Variants in CNNM2 observed in about 807,000 individuals in gnomAD.
CNNM2 encodes cyclin and CBS domain divalent metal cation transport mediator 2, also known as metal transporter CNNM2.
In CNNM2, 12 loss-of-function variants were observed where a neutral mutation model predicts 66.9. The ratio of observed to expected loss-of-function variants is 0.18; its 90% CI spans 0.11 to 0.29. The LOEUF is 0.29. CNNM2 is among the 10% of genes least tolerant of loss of function. The pLI is 1.00. For missense variants in CNNM2, 705 were observed against 1,167.7 expected (o/e 0.60, Z 5.77); for synonymous variants, 557 against 501.8 (o/e 1.11, Z -1.47).
In CNNM2 at chr10:103,084,950, CTT is replaced by C. The variant is rs1467850096; in HGVS notation, c.*7773_*7774del. On this transcript the variant is annotated 3_prime_UTR_variant, in exon 8 of 8. Transcript: ENST00000369878. ...AATTCTATTAGGTGGATAATAAACT[CTT>C]TTGCTTTCTTTGTATGGTGGTTTTG... 2.0e-5 allele frequency: 3 copies of C among 152,060 alleles called. No individual in the cohort carries two copies. The highest frequency in any genetic ancestry group is 4.4e-5 in the Non-Finnish European group (3 of 67,992). The allele number at this position is 152,060 out of a possible 1,614,324, so 9.4% of individuals were successfully genotyped here. A position where few individuals can be genotyped will look rare whatever the true frequency, so the allele number is the denominator to read the frequency against.
At chr10:102,924,635 TAA>T (rs1845784885) in intron 1 of CNNM2, among the ~76,000 whole-genome samples, 1 of 151,210 alleles carries the variant, frequency 6.6e-6, no homozygotes. Flanking sequence ...TTTTTTTTTT[TAA>T]TTATTTTATA....
Position 103,020,312 on chromosome 10 carries a change from C to T in CNNM2, c.1622-29395C>T, listed in dbSNP as rs368046840. ...CTGGGATTACAGACACCCACCACCA[C>T]GCCCAGCTAATTTTTGTATTTTTAG... is the stretch of plus-strand genomic sequence containing the variant. On this transcript the variant is annotated intron_variant, in intron 1 of 7. Coordinates refer to ENST00000369878, the MANE Select transcript of CNNM2 (RefSeq NM_017649.5). 1.3e-4 allele frequency among the ~76,000 whole-genome samples: 20 copies of T among 152,048 alleles called. No homozygotes were observed. The East Asian group carries it at 1.3e-3, about 10-fold the overall frequency.
intron 6 of CNNM2, among the ~76,000 whole-genome samples, chr10:103,075,784 G>A (rs1164282849): frequency 6.6e-6 from 1 of 152,202 alleles, no homozygotes; most frequent in African/African-American, 2.4e-5. Context: ...GCATCTCACA[G>A]TACCCGGGAA....
rs965070285 is a variant in CNNM2 at position 103,088,013 on chromosome 10, T to G, written c.*10833T>G. ...AAAAATTGAGGCCTATGTAACACCA[T>G]GAATATAATCATGTTAGAACATAAT... On this transcript the variant is annotated 3_prime_UTR_variant, in exon 8 of 8. Coordinates refer to ENST00000369878, the MANE Select transcript of CNNM2 (RefSeq NM_017649.5). The G allele has an allele frequency of 3.3e-5, 5 of 152,242 alleles. No homozygotes were observed. The highest frequency in any genetic ancestry group is 1.2e-4 in the African/African-American group (5 of 41,462). The allele number at this position is 152,242 out of a possible 1,614,324, so 9.4% of individuals were successfully genotyped here.
chr10:102,936,388 G>A (rs1846240027), intron 1 of CNNM2, among the ~76,000 whole-genome samples: 1 of 152,072 alleles, frequency 6.6e-6, no homozygotes, highest in African/African-American at 2.4e-5. Flanking sequence ...TTTCATCTCT[G>A]TAGAGTTGAT....
chr10:103,057,403 C>G (rs2065312997), intron 4 of CNNM2, among the ~76,000 whole-genome samples: 1 of 151,436 alleles, frequency 6.6e-6, no homozygotes, highest in Non-Finnish European at 1.5e-5. Context: ...TGCTTGAGCC[C>G]AGGAGGTTGC....
chr10:103,003,275 G>A (rs927860026), intron 1 of CNNM2, among the ~76,000 whole-genome samples: 3 of 151,848 alleles, frequency 2.0e-5, no homozygotes, highest in African/African-American at 7.3e-5. Context: ...CACCATACCT[G>A]GATAATTTTT....
At chr10:102,920,480 G>A (rs1373497138) in intron 1 of CNNM2, among the ~76,000 whole-genome samples, 2 of 152,008 alleles carry the variant, frequency 1.3e-5, no homozygotes, top group African/African-American at 4.8e-5. Context: ...GCTGGCTGAT[G>A]CCATGCCATT....
At chr10:102,943,867 CTTAG>C (rs1846514852) in intron 1 of CNNM2, among the ~76,000 whole-genome samples, 1 of 152,166 alleles carries the variant, frequency 6.6e-6, no homozygotes, top group Non-Finnish European at 1.5e-5. Flanking sequence ...CTAAAGAGTA[CTTAG>C]TTCTGTTCGT....
chr10:102,980,384 C>G (rs750498201), intron 1 of CNNM2, among the ~76,000 whole-genome samples: 43 of 151,784 alleles, frequency 2.8e-4, no homozygotes, highest in Non-Finnish European at 5.7e-4. Context: ...GATCCTCCCA[C>G]CTTAGCCTCC....
chr10:103,037,046 A>C (rs2064953784), intron 1 of CNNM2, among the ~76,000 whole-genome samples: 1 of 152,160 alleles, frequency 6.6e-6, no homozygotes, highest in Non-Finnish European at 1.5e-5. Flanking sequence ...ATCTTGAGCA[A>C]AATCCACAGG....
Position 103,061,409 on chromosome 10 carries a change from A to G in CNNM2, c.2073+4445A>G, listed in dbSNP as rs1437600559. On this transcript the variant is annotated intron_variant, in intron 4 of 7. Coordinates refer to ENST00000369878, the MANE Select transcript of CNNM2 (RefSeq NM_017649.5). ...CTGTCTCAAAAAAATATATATAATA[A>G]TAATTTAAAATTGAAAATGCCTTAT... 2.0e-5 allele frequency among the ~76,000 whole-genome samples: 3 copies of G among 152,262 alleles called. No homozygotes were observed. In the East Asian group the frequency reaches 5.8e-4, roughly 29 times the overall value.
rs549244808 is a variant in CNNM2, at chr10:102,932,236, CA to C, written c.1621+12137del. Among the ~76,000 whole-genome samples, 23 of 151,378 alleles carry C rather than the reference CA, an allele frequency of 1.5e-4. No individual in the cohort carries two copies. The East Asian group carries it at 4.3e-3, about 28-fold the overall frequency. On this transcript the variant is annotated intron_variant, in intron 1 of 7. Transcript: ENST00000369878. ...TTTTTTTTTTAACTCATTTTTTGAG[CA>C]ACGGGGTTTTGCTATGTGCCTAGGG...
rs1412424512 is a variant in CNNM2 at position 103,083,572 on chromosome 10, A to G, written c.*6392A>G. ...TCTTTGGACAGTGTAAAGTCTTAAG[A>G]GAAGTGGGTACTAGTTCTGTGCCTC... On this transcript the variant is annotated 3_prime_UTR_variant, in exon 8 of 8. Transcript: ENST00000369878. The G allele has an allele frequency of 6.6e-6, 1 of 152,220 alleles. No individual in the cohort carries two copies. The highest frequency in any genetic ancestry group is 1.5e-5 in the Non-Finnish European group (1 of 68,028). The allele number at this position is 152,220 out of a possible 1,614,324, so 9.4% of individuals were successfully genotyped here.
Position 103,070,036 on chromosome 10 carries a change from G to A in CNNM2, c.2167+1314G>A, listed in dbSNP as rs11191545. 0.1 allele frequency among the ~76,000 whole-genome samples: 15,862 copies of A among 152,128 alleles called. 852 individuals are homozygous for A. The highest frequency in any genetic ancestry group is 0.17 in the Middle Eastern group (51 of 294). Reference sequence around the variant, plus strand: ...TCACTGAGACGTCAAGAATTCTGTCGTATTTCTAAACTTCCTCTGCCCCAA... The same window carrying A: ...TCACTGAGACGTCAAGAATTCTGTCATATTTCTAAACTTCCTCTGCCCCAA... On this transcript the variant is annotated intron_variant, in intron 5 of 7. Coordinates refer to ENST00000369878, the MANE Select transcript of CNNM2 (RefSeq NM_017649.5).
chr10:103,029,232 G>A (rs1236080644), intron 1 of CNNM2, among the ~76,000 whole-genome samples: 2 of 151,332 alleles, frequency 1.3e-5, no homozygotes, highest in African/African-American at 4.9e-5. Context: ...AGGATGCTGA[G>A]GCAGGTGGAT....
Position 102,975,895 on chromosome 10 carries a change from C to T in CNNM2, c.1621+55794C>T, listed in dbSNP as rs565813801. Among the ~76,000 whole-genome samples, 13 of 152,208 alleles carry T rather than the reference C, an allele frequency of 8.5e-5. 1 individual carries two copies. The highest frequency in any genetic ancestry group is 4.6e-4 in the Admixed American group (7 of 15,282). On this transcript the variant is annotated intron_variant, in intron 1 of 7. Coordinates refer to ENST00000369878, the MANE Select transcript of CNNM2 (RefSeq NM_017649.5). ...CCAGCTTTGAGGATCATAATTACAA[C>T]GAAGTCAGCAGTTTGAAATAAGTTT... is the stretch of plus-strand genomic sequence containing the variant.
At chr10:103,038,931 A>C (rs934007773) in intron 1 of CNNM2, among the ~76,000 whole-genome samples, 4 of 152,072 alleles carry the variant, frequency 2.6e-5, no homozygotes, top group African/African-American at 9.6e-5. Context: ...GGTGTATTTT[A>C]TGGTGGGAAA....
At position 103,087,236 on chromosome 10, in the gene CNNM2, T is replaced by C. The variant is rs1353961647; in HGVS notation, c.*10056T>C. On this transcript the variant is annotated 3_prime_UTR_variant, in exon 8 of 8. Coordinates refer to ENST00000369878, the MANE Select transcript of CNNM2 (RefSeq NM_017649.5). ...CTACTGGCAACAGAGAGAAAACTCA[T>C]AATTTGTTTTAAAAAGCCCAGTTAC... The C allele has an allele frequency of 7.4e-6, 1 of 134,234 alleles. No homozygotes were observed. The highest frequency in any genetic ancestry group is 1.5e-5 in the Non-Finnish European group (1 of 64,828). 8.3% of individuals were successfully genotyped at this position (134,234 alleles called of 1,614,324 possible). A position where few individuals can be genotyped will look rare whatever the true frequency, so the allele number is the denominator to read the frequency against.
Sources: gnomAD v4.1 joint callset for allele counts (sites outside exome capture counted in the v4.1 genomes callset) on GRCh38, gnomAD v4.1.1 for gene constraint, MANE v1.5 for transcripts, NCBI Gene and HGNC (gene_info 2026-07-23, HGNC 2026-07-21) for gene names.